ACYP2: variants seen among roughly 807,000 people sequenced by gnomAD.
ACYP2 encodes the protein acylphosphatase 2.
A neutral mutation model predicts 11.2 loss-of-function variants in ACYP2; 12 were observed. The ratio of observed to expected loss-of-function variants is 1.08; its 90% CI spans 0.69 to 1.74. ACYP2 has a LOEUF of 1.74. Ranked by LOEUF, ACYP2 falls within the 40% of genes most tolerant of loss-of-function variation. The probability of loss-of-function intolerance (pLI) is 0.00; values close to 1 mark genes in which losing one functional copy is unlikely to be tolerated. For missense variants in ACYP2, 134 were observed against 101.9 expected, an observed-to-expected ratio of 1.31 and a Z score of -1.35; for synonymous variants, 43 against 32.2, an observed-to-expected ratio of 1.33 and a Z score of -1.13.
intron 6 of ACYP2, among the ~76,000 whole-genome samples, chr2:54,198,145 A>T (rs983260849): frequency 6.6e-6 from 1 of 151,916 alleles, no homozygotes; most frequent in Non-Finnish European, 1.5e-5. Flanking sequence ...TTAGCCTCCC[A>T]AGTATCTGGG....
At chr2:54,182,930 G>C (rs78491217) in intron 6 of ACYP2, among the ~76,000 whole-genome samples, 6 of 152,200 alleles carry the variant, frequency 3.9e-5, no homozygotes, top group Non-Finnish European at 8.8e-5. Context: ...GGATATCTAT[G>C]TTAAACCAAC....
At chr2:54,255,405 C>T (rs1687452545) in intron 6 of ACYP2, 3 of 1,613,820 alleles carry the variant, frequency 1.9e-6, no homozygotes, top group Non-Finnish European at 2.5e-6. Flanking sequence ...CCCAGAAGCC[C>T]GGGATATTGC....
chr2:54,249,176 A>G (rs1182924220), intron 6 of ACYP2, among the ~76,000 whole-genome samples: 1 of 152,128 alleles, frequency 6.6e-6, no homozygotes, highest in African/African-American at 2.4e-5. Context: ...AATAGTGTAA[A>G]TGATGGGAAA....
intron 2 of ACYP2, among the ~76,000 whole-genome samples, chr2:54,016,276 AT>A (rs1416307131): frequency 1.3e-5 from 2 of 152,178 alleles, no homozygotes; most frequent in East Asian, 1.9e-4. Context: ...CATAAAAAAA[AT>A]ATGTAGCCTT....
chr2:54,010,939 G>T (rs1388071234), intron 2 of ACYP2, among the ~76,000 whole-genome samples: 2 of 151,576 alleles, frequency 1.3e-5, no homozygotes, highest in Non-Finnish European at 1.5e-5. Flanking sequence ...AAAGTGCTAG[G>T]ATTACAGACC....
chr2:54,173,796 A>G (rs1486695160), intron 6 of ACYP2, among the ~76,000 whole-genome samples: 5 of 152,162 alleles, frequency 3.3e-5, no homozygotes, highest in African/African-American at 4.8e-5. Context: ...TAAATAGAGA[A>G]TCCTTTCCCC....
At chr2:54,202,281 G>A (rs1017830745) in intron 6 of ACYP2, among the ~76,000 whole-genome samples, 1 of 143,114 alleles carries the variant, frequency 7.0e-6, no homozygotes, top group Non-Finnish European at 1.5e-5. Flanking sequence ...GCTAATTTTT[G>A]TATTTTCAGT....
At chr2:54,138,888 G>C (rs1042817732) in intron 6 of ACYP2, 140 bp downstream of exon 3, 1 of 678,568 alleles carries the variant, frequency 1.5e-6, no homozygotes, top group African/African-American at 1.8e-5. Flanking sequence ...TGCCTTCCAG[G>C]CTCAGATCTC....
chr2:54,163,935 T>A (rs1682840653), intron 6 of ACYP2, among the ~76,000 whole-genome samples: 1 of 152,124 alleles, frequency 6.6e-6, no homozygotes, highest in East Asian at 1.9e-4. Flanking sequence ...CTTTAGGAAA[T>A]TTTTTTAAAA....
At chr2:54,147,090 C>G (rs528549592) in intron 6 of ACYP2, among the ~76,000 whole-genome samples, 1 of 152,178 alleles carries the variant, frequency 6.6e-6, no homozygotes, top group Non-Finnish European at 1.5e-5. Context: ...GCCACCGTGC[C>G]TGGCTGCTTT....
intron 6 of ACYP2, among the ~76,000 whole-genome samples, chr2:54,289,231 T>A (rs1289780044): frequency 1.3e-5 from 2 of 152,072 alleles, no homozygotes; most frequent in South Asian, 2.1e-4. Flanking sequence ...TTCTTCTACT[T>A]TGTCACCTCC....
At chr2:54,294,565 G>A (rs1040008892) in intron 6 of ACYP2, among the ~76,000 whole-genome samples, 8 of 152,048 alleles carry the variant, frequency 5.3e-5, no homozygotes, top group African/African-American at 1.4e-4. Flanking sequence ...CTTGTCTACC[G>A]TAAGTATTAA....
intron 5 of ACYP2, among the ~76,000 whole-genome samples, chr2:54,138,309 A>T (rs1465427818): frequency 6.6e-6 from 1 of 152,204 alleles, no homozygotes; most frequent in Non-Finnish European, 1.5e-5. Context: ...ATTTAGTGTT[A>T]GCAGTCTTAA....
intron 2 of ACYP2, among the ~76,000 whole-genome samples, chr2:54,021,905 G>T (rs1275131839): frequency 6.6e-6 from 1 of 152,110 alleles, no homozygotes; most frequent in Non-Finnish European, 1.5e-5. Flanking sequence ...GTTCTGTGAA[G>T]ACGGGCACAT....
chr2:54,176,611 C>G (rs569492551), intron 6 of ACYP2, among the ~76,000 whole-genome samples: 1 of 152,204 alleles, frequency 6.6e-6, no homozygotes, highest in Non-Finnish European at 1.5e-5. Context: ...AATTCTATCA[C>G]CCAGAGTCAG....
chr2:53,994,442 C>G (rs1248958188), intron 2 of ACYP2, among the ~76,000 whole-genome samples: 4 of 150,294 alleles, frequency 2.7e-5, no homozygotes, highest in Non-Finnish European at 5.9e-5. Flanking sequence ...TCACTTGAAC[C>G]CAGGAGGTGG....
intron 2 of ACYP2, among the ~76,000 whole-genome samples, chr2:54,048,125 T>G (rs1258240593): frequency 6.6e-6 from 1 of 152,196 alleles, no homozygotes; most frequent in Non-Finnish European, 1.5e-5. Context: ...ATATATTTTT[T>G]GTAATAAAAG....
intron 4 of ACYP2, among the ~76,000 whole-genome samples, chr2:54,124,945 G>T (rs1047918075): frequency 2.0e-5 from 3 of 152,052 alleles, no homozygotes. Flanking sequence ...GTAGAGATGG[G>T]GTTTCACCAT....
chr2:54,044,495 G>A (rs1675411774), intron 2 of ACYP2, among the ~76,000 whole-genome samples: 1 of 151,880 alleles, frequency 6.6e-6, no homozygotes. Flanking sequence ...GCTGAGGTGG[G>A]AGGATCACCT....
Sources: gnomAD v4.1 joint callset for allele counts (sites outside exome capture counted in the v4.1 genomes callset) on GRCh38, gnomAD v4.1.1 for gene constraint, MANE v1.5 for transcripts, NCBI Gene and HGNC (gene_info 2026-07-23, HGNC 2026-07-21) for gene names.